Variants in ZNHIT3 observed in about 807,000 individuals in gnomAD.
ZNHIT3 encodes the protein zinc finger HIT domain-containing protein 3.
ZNHIT3 carries 27 observed loss-of-function variants against 19.9 expected under a neutral mutation model. The observed-to-expected ratio is 1.36, with a 90% CI of 1.00 to 1.87. The LOEUF (loss-of-function observed/expected upper bound fraction) is 1.87. Ranked by LOEUF, ZNHIT3 falls within the 40% of genes most tolerant of loss-of-function variation. The pLI, the probability that ZNHIT3 is intolerant of heterozygous loss-of-function variation, is 0.00. For synonymous variants in ZNHIT3, 81 were observed against 65.7 expected, an observed-to-expected ratio of 1.23 and a Z score of -1.13; for missense variants, 215 against 185.6, an observed-to-expected ratio of 1.16 and a Z score of -0.92.
chr17:36,495,635 ATTG>A lies in ZNHIT3; in HGVS notation c.*234_*236del. ...GGAGAGAAAACTTGACATTCAGATG[ATTG>A]TTTTTAAATGTTTTACTTTTGGTAC... On this transcript the variant is annotated 3_prime_UTR_variant, in exon 5 of 5. Transcript: ENST00000617429. The A allele has an allele frequency of 7.8e-7, 1 of 1,289,496 alleles. No individual in the cohort carries two copies. Among genetic ancestry groups the A allele is most frequent in the Admixed American group, 3.7e-5 (1 of 27,106 alleles). The allele number at this position is 1,289,496 out of a possible 1,614,324, so 79.9% of individuals were successfully genotyped here.
At chr17:36,494,864 C>T (rs1169210678) in intron 4 of ZNHIT3, among the ~76,000 whole-genome samples, 1 of 152,118 alleles carries the variant, frequency 6.6e-6, no homozygotes, top group East Asian at 1.9e-4. Flanking sequence ...CTACTATTTG[C>T]TTTGTGATTG....
intron 2 of ZNHIT3, among the ~76,000 whole-genome samples, chr17:36,487,637 T>TA (rs1372496675): frequency 6.9e-6 from 1 of 145,826 alleles, no homozygotes; most frequent in African/African-American, 2.6e-5. Flanking sequence ...CTACTAAAAA[T>TA]ACAAAAATTA....
downstream of ZNHIT3, chr17:36,497,702 A>G: frequency 4.1e-6 from 1 of 242,018 alleles, no homozygotes; most frequent in Middle Eastern, 2.0e-3. Flanking sequence ...CTCATGCCTC[A>G]GCCTCCCGAG....
intron 2 of ZNHIT3, among the ~76,000 whole-genome samples, chr17:36,487,197 C>G (rs2070586837): frequency 6.6e-6 from 1 of 152,124 alleles, no homozygotes. Context: ...TGGTCAGTAG[C>G]CTTTCTTCTA....
chr17:36,494,794 G>A lies in ZNHIT3; in HGVS notation c.287-429G>A, dbSNP rs57285378. 4.7e-3 allele frequency among the ~76,000 whole-genome samples: 710 copies of A among 152,150 alleles called. 10 individuals carry two copies. The highest frequency in any genetic ancestry group is 0.017 in the African/African-American group (690 of 41,494). ...ATCATTCAGATTATTTCGTATAGCC[G>A]TCTTCACCACTGGCAACTTTTATGG... On this transcript the variant is annotated intron_variant, in intron 4 of 4. Transcript: ENST00000617429.
downstream of ZNHIT3, chr17:36,498,643 A>G: frequency 7.0e-7 from 1 of 1,428,744 alleles, no homozygotes; most frequent in South Asian, 1.4e-5. Flanking sequence ...TCTTTAACAA[A>G]TCATCTTAAC....
downstream of ZNHIT3, chr17:36,498,293 ACCAG>A (rs763351413): frequency 4.3e-6 from 7 of 1,613,228 alleles, no homozygotes; most frequent in Non-Finnish European, 5.9e-6. Flanking sequence ...TGGACGTGAC[ACCAG>A]CCTGGTCTTG....
At chr17:36,498,339 C>T (rs1326934027), downstream of ZNHIT3, 6 of 1,613,858 alleles carry the variant, frequency 3.7e-6, no homozygotes, top group Non-Finnish European at 5.1e-6. Context: ...ACTGGGGCTG[C>T]CCCTGGGGAG....
intron 1 of ZNHIT3, 62 bp from the exon 2 acceptor site, chr17:36,486,873 G>T: frequency 6.3e-7 from 1 of 1,591,352 alleles, no homozygotes; most frequent in Non-Finnish European, 8.5e-7. Flanking sequence ...GGGAGCGGGC[G>T]GGCTGCTGGA....
downstream of ZNHIT3, chr17:36,498,668 G>C: frequency 7.8e-7 from 1 of 1,284,268 alleles, no homozygotes; most frequent in Non-Finnish European, 1.0e-6. Flanking sequence ...TGAACTGAAG[G>C]CACCTGGTTG....
intron 3 of ZNHIT3, 104 bp downstream of exon 3, chr17:36,493,003 C>A: frequency 9.4e-7 from 1 of 1,067,264 alleles, no homozygotes; most frequent in Non-Finnish European, 1.4e-6. Flanking sequence ...ACAATAGCTT[C>A]ATTGGGAAGG....
intron 3 of ZNHIT3, 129 bp downstream of exon 3, chr17:36,493,028 C>T (rs553797200): frequency 2.6e-5 from 23 of 872,332 alleles, no homozygotes; most frequent in Admixed American, 1.2e-4. Context: ...GCTTCCTTAG[C>T]CTTGAGCATC....
chr17:36,487,733 G>C (rs2070610611), intron 2 of ZNHIT3, among the ~76,000 whole-genome samples: 1 of 151,870 alleles, frequency 6.6e-6, no homozygotes, highest in Admixed American at 6.6e-5. Flanking sequence ...GGAGGTTGTA[G>C]TGAGCCGAAA....
chr17:36,499,060 T>C (rs761404850), downstream of ZNHIT3: 4 of 1,595,502 alleles, frequency 2.5e-6, no homozygotes, highest in South Asian at 3.4e-5. Context: ...CCCCGACTTC[T>C]TGGGTCTTAC....
rs747345471 is a variant in ZNHIT3 at position 36,492,855 on chromosome 17, G to T, written c.161G>T (p.Arg54Ile). The T allele has an allele frequency of 1.2e-6, 2 of 1,614,184 alleles. No individual in the cohort carries two copies. Among genetic ancestry groups the T allele is most frequent in the Non-Finnish European group, 1.7e-6 (2 of 1,180,020 alleles). The part of the protein sequence containing the change: ...PETRPVEKKI[R>I]SALPTKTVKP... ...ACTCGTCCTGTTGAGAAAAAAATAA[G>T]ATCAGCTCTTCCTACCAAAACCGTA... Residue 54 changes from arginine to isoleucine, a missense_variant, in exon 3 of 5, where the codon AGA becomes ATA. Physicochemically the swap from Arg to Ile is moderately conservative, Grantham distance 97 (BLOSUM62 -3). Transcript: ENST00000617429.
chr17:36,495,487 G>T lies in ZNHIT3; in HGVS notation c.*83G>T. 4 of 1,443,456 alleles carry T rather than the reference G, an allele frequency of 2.8e-6. No homozygotes were observed. Among genetic ancestry groups the T allele is most frequent in the Non-Finnish European group, 3.6e-6 (4 of 1,100,646 alleles). 89.4% of individuals were successfully genotyped at this position (1,443,456 alleles called of 1,614,324 possible). ...CCCTCTCCCAGACCAGCTAGTTTGG[G>T]GCTGGGGAGCTCAGGCAAAAGAGGT... On this transcript the variant is annotated 3_prime_UTR_variant, in exon 5 of 5. Coordinates refer to ENST00000617429, the MANE Select transcript of ZNHIT3 (RefSeq NM_004773.4).
chr17:36,494,065 T>G (rs1380275248), intron 4 of ZNHIT3, 59 bp downstream of exon 4: 69 of 1,405,738 alleles, frequency 4.9e-5, no homozygotes, highest in Non-Finnish European at 6.2e-5. Flanking sequence ...GTAAGGATTG[T>G]GATTTTTTAA....
chr17:36,493,740 C>G (rs2070780550), intron 3 of ZNHIT3, among the ~76,000 whole-genome samples, 186 bp from the exon 4 acceptor site: 1 of 152,210 alleles, frequency 6.6e-6, no homozygotes, highest in Non-Finnish European at 1.5e-5. Context: ...CCTCCCTCTT[C>G]TAAAAAAGGA....
At chr17:36,499,016 G>GTCCA (rs1252287982), downstream of ZNHIT3, 13 of 1,372,394 alleles carry the variant, frequency 9.5e-6, no homozygotes, top group Non-Finnish European at 1.3e-5. Context: ...TCCCACTCGG[G>GTCCA]TCCATCTGGT....
Sources: allele counts gnomAD v4.1 joint callset (sites outside exome capture counted in the v4.1 genomes callset), GRCh38; gene constraint gnomAD v4.1.1; transcripts MANE v1.5; gene names NCBI Gene and HGNC (gene_info 2026-07-23, HGNC 2026-07-21).